BCAR3: variants seen among roughly 807,000 people sequenced by gnomAD.
BCAR3 encodes the protein breast cancer anti-estrogen resistance protein 3.
A neutral mutation model predicts 80.1 loss-of-function variants in BCAR3; 37 were observed. That is an observed-to-expected ratio of 0.46 (90% CI 0.36 to 0.61). The LOEUF (loss-of-function observed/expected upper bound fraction) is 0.61. BCAR3 is among the 20% of genes least tolerant of loss of function. The probability of loss-of-function intolerance (pLI) is 0.00; values close to 1 mark genes in which losing one functional copy is unlikely to be tolerated. For synonymous variants in BCAR3, 389 were observed against 418.9 expected (o/e 0.93, Z 0.87); for missense variants, 978 against 1,068.2 (o/e 0.92, Z 1.18).
intron 3 of BCAR3, chr1:93,600,673 C>G (rs1674593767): frequency 6.6e-6 from 1 of 152,226 alleles, no homozygotes; most frequent in Admixed American, 6.5e-5. Context: ...TTGCAGGAAC[C>G]TTCCATGGCT....
Position 93,571,833 on chromosome 1 carries a change from G to A in BCAR3, c.1811C>T (p.Thr604Ile). The A allele has an allele frequency of 1.2e-6, 2 of 1,612,704 alleles. No individual in the cohort carries two copies. The highest frequency in any genetic ancestry group is 1.1e-5 in the South Asian group (1 of 90,966). Residue 604 changes from threonine to isoleucine, a missense_variant, in exon 9 of 12, where the codon ACA (threonine) becomes ATA (isoleucine). Thr to Ile is a moderately conservative substitution (Grantham distance 89, BLOSUM62 -1). Transcript: ENST00000260502. ...LRLDIIERHNTMAIGIAVDIL... is the reference protein window; with the variant it reads ...LRLDIIERHNIMAIGIAVDIL... ...GTCCACTGCAATGCCGATGGCCATT[G>A]TGTTGTGTCTGAAAGCCAGGAGATC...
intron 2 of BCAR3, among the ~76,000 whole-genome samples, chr1:93,821,762 T>G (rs1317734778): frequency 6.6e-6 from 1 of 152,152 alleles, no homozygotes; most frequent in East Asian, 1.9e-4. Context: ...TACCTTATAA[T>G]CATCACAAAA....
intron 9 of BCAR3, among the ~76,000 whole-genome samples, chr1:93,569,779 G>A (rs1363251653): frequency 6.6e-6 from 1 of 152,064 alleles, no homozygotes; most frequent in African/African-American, 2.4e-5. Flanking sequence ...TACAAAGCAT[G>A]GTAATGTGGT....
At chr1:93,739,805 C>T (rs929707249) in intron 2 of BCAR3, among the ~76,000 whole-genome samples, 7 of 152,068 alleles carry the variant, frequency 4.6e-5, no homozygotes, top group Non-Finnish European at 8.8e-5. Flanking sequence ...GAGCCTGAGG[C>T]GGGTGGATCA....
At chr1:93,656,464 T>C (rs1471820302) in intron 2 of BCAR3, among the ~76,000 whole-genome samples, 1 of 152,106 alleles carries the variant, frequency 6.6e-6, no homozygotes, top group East Asian at 1.9e-4. Context: ...TTATTGATTA[T>C]AGTTTTTTAT....
At chr1:93,732,185 G>A (rs1339547774) in intron 2 of BCAR3, among the ~76,000 whole-genome samples, 1 of 152,220 alleles carries the variant, frequency 6.6e-6, no homozygotes, top group Non-Finnish European at 1.5e-5. Flanking sequence ...TAGTGTTTAG[G>A]ACAGGGCCCT....
At chr1:93,813,625 C>T (rs1653921957) in intron 2 of BCAR3, among the ~76,000 whole-genome samples, 1 of 152,200 alleles carries the variant, frequency 6.6e-6, no homozygotes, top group African/African-American at 2.4e-5. Flanking sequence ...TCTTCCTTGA[C>T]TATTTTAAAG....
intron 2 of BCAR3, among the ~76,000 whole-genome samples, chr1:93,669,199 G>T (rs988369481): frequency 6.6e-6 from 1 of 152,148 alleles, no homozygotes; most frequent in East Asian, 1.9e-4. Context: ...GTGTCTGAGG[G>T]AACATCTTGC....
intron 2 of BCAR3, among the ~76,000 whole-genome samples, chr1:93,745,806 A>G (rs59873068): frequency 0.12 from 17,855 of 152,232 alleles, 1,474 homozygotes; most frequent in African/African-American, 0.22. Flanking sequence ...TTGAGAGGCC[A>G]AGGTGGGAGG....
At chr1:93,674,157 G>A (rs998432470) in intron 2 of BCAR3, among the ~76,000 whole-genome samples, 1 of 152,208 alleles carries the variant, frequency 6.6e-6, no homozygotes, top group African/African-American at 2.4e-5. Flanking sequence ...AAGTAGGTGG[G>A]AGTACAGACA....
intron 2 of BCAR3, among the ~76,000 whole-genome samples, chr1:93,707,683 G>A (rs1307337917): frequency 6.6e-6 from 1 of 152,128 alleles, no homozygotes; most frequent in African/African-American, 2.4e-5. Flanking sequence ...CTCCAGTCTG[G>A]GTGATAGAGT....
chr1:93,708,727 C>T (rs1649911192), intron 2 of BCAR3, among the ~76,000 whole-genome samples: 1 of 152,174 alleles, frequency 6.6e-6, no homozygotes, highest in Non-Finnish European at 1.5e-5. Flanking sequence ...CACATCATAT[C>T]TACAAAAAAA....
intron 2 of BCAR3, among the ~76,000 whole-genome samples, chr1:93,818,709 G>C (rs937971355): frequency 2.3e-4 from 35 of 152,234 alleles, no homozygotes; most frequent in African/African-American, 7.0e-4. Context: ...TCACCAACAG[G>C]GAGCTCACAT....
chr1:93,660,440 C>A (rs1647596592), intron 2 of BCAR3, among the ~76,000 whole-genome samples: 1 of 152,166 alleles, frequency 6.6e-6, no homozygotes, highest in Non-Finnish European at 1.5e-5. Flanking sequence ...GGGAGATAAC[C>A]AAGAGAACAG....
intron 3 of BCAR3, among the ~76,000 whole-genome samples, chr1:93,638,727 C>G (rs2101905852): frequency 1.3e-5 from 2 of 152,258 alleles, no homozygotes; most frequent in South Asian, 4.1e-4. Flanking sequence ...AGCTTTCCAA[C>G]CTGGAAGAAA....
rs142051483 is a variant in BCAR3 at position 93,648,240 on chromosome 1, C to A, written c.318-5897G>T. Among the ~76,000 whole-genome samples the A allele has an allele frequency of 3.2e-3, 483 of 152,244 alleles. 7 individuals carry two copies. The highest frequency in any genetic ancestry group is 0.011 in the African/African-American group (474 of 41,526). ...ATCCAAAGCCATTCCCTTGAAATGT[C>A]TGCAATAAAAGCAGGGCTTATGAGG... On this transcript the variant is annotated intron_variant, in intron 2 of 11. Transcript: ENST00000260502.
At chr1:93,572,622 A>G (rs1399431523) in intron 8 of BCAR3, among the ~76,000 whole-genome samples, 3 of 152,212 alleles carry the variant, frequency 2.0e-5, no homozygotes, top group African/African-American at 7.2e-5. Flanking sequence ...CAGAAAGCAT[A>G]GACTGTGACC....
At chr1:93,579,670 A>C (rs1673620254) in intron 7 of BCAR3, among the ~76,000 whole-genome samples, 3 of 152,068 alleles carry the variant, frequency 2.0e-5, no homozygotes, top group Non-Finnish European at 4.4e-5. Context: ...TCTCTCCTCC[A>C]CCTAGAGGAT....
chr1:93,582,667 G>A lies in BCAR3; in HGVS notation c.1320C>T (p.Cys440=), dbSNP rs753014304. ...CELNPAFATG[C]GRGAKLPSCA... ...ATGAGGGTAGCTTTGCTCCCCTGCC[G>A]CAGCCTGTGGCAAACGCTGGGTTCA... Residue 440 remains cysteine (C), a synonymous_variant, in exon 7 of 12, where the codon TGC becomes TGT. Coordinates refer to ENST00000260502, the MANE Select transcript of BCAR3 (RefSeq NM_003567.4). The A allele has an allele frequency of 1.4e-5, 22 of 1,613,948 alleles. No individual in the cohort carries two copies. The highest frequency in any genetic ancestry group is 4.0e-5 in the African/African-American group (3 of 74,888).
Sources: gnomAD v4.1 joint callset for allele counts (sites outside exome capture counted in the v4.1 genomes callset) on GRCh38, gnomAD v4.1.1 for gene constraint, MANE v1.5 for transcripts, NCBI Gene and HGNC (gene_info 2026-07-23, HGNC 2026-07-21) for gene names.